The following CSNK2A1 variants were observed in gnomAD, a reference collection of about 807,000 sequenced individuals.
CSNK2A1 encodes casein kinase 2 alpha 1, also known as casein kinase II subunit alpha.
A neutral mutation model predicts 62.9 loss-of-function variants in CSNK2A1; 10 were observed. The observed-to-expected ratio is 0.16, with a 90% CI of 0.10 to 0.27. The LOEUF is 0.27. Ranked by LOEUF, CSNK2A1 falls within the 10% of genes least tolerant of loss-of-function variation. The pLI is 1.00. For missense variants in CSNK2A1, 160 were observed against 492.0 expected, an observed-to-expected ratio of 0.33 and a Z score of 6.38; for synonymous variants, 124 against 167.8, an observed-to-expected ratio of 0.74 and a Z score of 2.02.
At chr20:513,697 T>C (rs2018770617) in intron 2 of CSNK2A1, among the ~76,000 whole-genome samples, 1 of 152,264 alleles carries the variant, frequency 6.6e-6, no homozygotes, top group East Asian at 1.9e-4. Flanking sequence ...TGGCATCCTC[T>C]GTGAGGAGTG....
chr20:492,434 C>A, intron 8 of CSNK2A1, 70 bp from the exon 9 acceptor site: 1 of 1,475,756 alleles, frequency 6.8e-7, no homozygotes, highest in Admixed American at 1.8e-5. Context: ...TTAGCATACT[C>A]TTGATAAAAT....
chr20:480,219 A>G lies in CSNK2A1; in HGVS notation c.*3742T>C, dbSNP rs769484466. On this transcript the variant is annotated 3_prime_UTR_variant, in exon 14 of 14. Transcript: ENST00000217244. ...ATTTTGAGATGCTCTTTATGCAACA[A>G]TACTTCCATTTACTTTGTGTGTGTG... 5.9e-5 allele frequency: 9 copies of G among 151,758 alleles called. No homozygotes were observed. Among genetic ancestry groups the G allele is most frequent in the Non-Finnish European group, 1.2e-4 (8 of 67,982 alleles). The allele number at this position is 151,758 out of a possible 1,614,324, so 9.4% of individuals were successfully genotyped here. A position where few individuals can be genotyped will look rare whatever the true frequency, so the allele number is the denominator to read the frequency against.
In CSNK2A1 at chr20:508,570, C is replaced by G; in HGVS notation, c.-19G>C. ...CCGACATGTCAGACAGGTTGGCGGA[C>G]AAAGCTGGACTTGATGTTTGGAGAT... is the stretch of plus-strand genomic sequence containing the variant. On this transcript the variant is annotated 5_prime_UTR_variant, in exon 3 of 14. Transcript: ENST00000217244. 6 of 1,602,964 alleles carry G rather than the reference C, an allele frequency of 3.7e-6. No homozygotes were observed. The highest frequency in any genetic ancestry group is 5.1e-6 in the Non-Finnish European group (6 of 1,171,946).
chr20:524,729 AAG>A (rs1481164840), intron 2 of CSNK2A1, among the ~76,000 whole-genome samples: 164 of 146,330 alleles, frequency 1.1e-3, no homozygotes, highest in African/African-American at 1.4e-3. Context: ...AAAAAAAAAA[AAG>A]AGATACATCT....
At chr20:488,078 T>C (rs1600370929) in intron 11 of CSNK2A1, 1 of 169,694 alleles carries the variant, frequency 5.9e-6, no homozygotes, top group East Asian at 1.6e-4. Context: ...TCTCACTCTG[T>C]TGCCCAGACT....
At chr20:487,121 A>G in intron 12 of CSNK2A1, 1 of 338,410 alleles carries the variant, frequency 3.0e-6, no homozygotes, top group Non-Finnish European at 5.4e-6. Flanking sequence ...AATGATTACT[A>G]GGGACAGGAA....
intron 1 of CSNK2A1, among the ~76,000 whole-genome samples, chr20:535,269 G>A (rs1345455864): frequency 6.6e-6 from 1 of 152,072 alleles, no homozygotes. Context: ...GAACTGGTCA[G>A]GAAGACAGAC....
chr20:517,887 G>C (rs1479062671), intron 2 of CSNK2A1, among the ~76,000 whole-genome samples: 3 of 152,114 alleles, frequency 2.0e-5, no homozygotes, highest in African/African-American at 7.2e-5. Flanking sequence ...GAGACTATTA[G>C]TTTACTCGAC....
intron 11 of CSNK2A1, 158 bp from the exon 12 acceptor site, chr20:487,733 A>T (rs1437767199): frequency 1.1e-6 from 1 of 903,654 alleles, no homozygotes; most frequent in African/African-American, 1.7e-5. Flanking sequence ...ACTGAGTGGG[A>T]CAACAAAGCT....
chr20:512,164 T>C (rs2122582211), intron 2 of CSNK2A1, among the ~76,000 whole-genome samples: 1 of 152,148 alleles, frequency 6.6e-6, no homozygotes, highest in African/African-American at 2.4e-5. Flanking sequence ...GCTCTCAAAA[T>C]AGACTGTGCC....
At chr20:533,658 T>G (rs2019257522) in intron 1 of CSNK2A1, among the ~76,000 whole-genome samples, 1 of 152,206 alleles carries the variant, frequency 6.6e-6, no homozygotes, top group African/African-American at 2.4e-5. Flanking sequence ...GAAGTATTAC[T>G]TCCATAAAAC....
intron 1 of CSNK2A1, among the ~76,000 whole-genome samples, chr20:542,473 G>A (rs2019470883): frequency 1.3e-5 from 2 of 152,206 alleles, no homozygotes; most frequent in African/African-American, 2.4e-5. Flanking sequence ...TCGCTCTGTC[G>A]CCCAGGCTGG....
intron 2 of CSNK2A1, among the ~76,000 whole-genome samples, chr20:513,543 G>A (rs2122586404): frequency 6.6e-6 from 1 of 152,256 alleles, no homozygotes; most frequent in African/African-American, 2.4e-5. Context: ...CGGCCACTGA[G>A]GGCTAACTCC....
chr20:492,831 G>A (rs1191811671), intron 8 of CSNK2A1: 2 of 154,258 alleles, frequency 1.3e-5, no homozygotes, highest in Admixed American at 1.3e-4. Context: ...ATTCACCTTT[G>A]TAATTTTCAG....
Position 536,064 on chromosome 20 carries a change from A to G in CSNK2A1, c.-227+7608T>C, listed in dbSNP as rs553481690. On this transcript the variant is annotated intron_variant, in intron 1 of 13. Coordinates refer to ENST00000217244, the MANE Select transcript of CSNK2A1 (RefSeq NM_177559.3). Reference sequence around the variant, plus strand: ...AATATTACCTTCTCTATCTAGAAGCAAAAGAATCCTAGACTCACCAGGACT... The same window carrying G: ...AATATTACCTTCTCTATCTAGAAGCGAAAGAATCCTAGACTCACCAGGACT... Among the ~76,000 whole-genome samples, 3 of 152,308 alleles carry G rather than the reference A, an allele frequency of 2.0e-5. No homozygotes were observed. In the East Asian group the frequency reaches 5.8e-4, roughly 29 times the overall value.
chr20:525,595 G>C (rs987570728), intron 2 of CSNK2A1, among the ~76,000 whole-genome samples: 1 of 147,898 alleles, frequency 6.8e-6, no homozygotes, highest in African/African-American at 2.5e-5. Context: ...AGCTTGCAGT[G>C]AGCCGAGATC....
At chr20:535,674 T>TGAACCCA in intron 1 of CSNK2A1, among the ~76,000 whole-genome samples, 1 of 148,266 alleles carries the variant, frequency 6.7e-6, no homozygotes, top group South Asian at 2.1e-4. Context: ...GAGAATCACT[T>TGAACCCA]GAACCCAGGA....
chr20:484,885 G>A (rs1391161823), intron 13 of CSNK2A1, among the ~76,000 whole-genome samples: 1 of 150,754 alleles, frequency 6.6e-6, no homozygotes, highest in Admixed American at 6.6e-5. Flanking sequence ...TGGCCAACAT[G>A]GTGAAACCCC....
chr20:496,657 T>C (rs1422111582), intron 7 of CSNK2A1: 3 of 152,200 alleles, frequency 2.0e-5, no homozygotes, highest in Admixed American at 1.3e-4. Context: ...ATCAAGTATC[T>C]CTGCTGGCAC....
Sources: gnomAD v4.1 joint callset for allele counts (sites outside exome capture counted in the v4.1 genomes callset) on GRCh38, gnomAD v4.1.1 for gene constraint, MANE v1.5 for transcripts, NCBI Gene and HGNC (gene_info 2026-07-23, HGNC 2026-07-21) for gene names.